Variants in DAB1 observed in about 807,000 individuals in gnomAD.
DAB1 encodes the protein disabled homolog 1.
In DAB1, 15 loss-of-function variants were observed where a neutral mutation model predicts 64.6. That is an observed-to-expected ratio of 0.23 (90% CI 0.16 to 0.36). The LOEUF (loss-of-function observed/expected upper bound fraction) is 0.36. DAB1 is among the 10% of genes least tolerant of loss of function. The pLI, the probability that DAB1 is intolerant of heterozygous loss-of-function variation, is 1.00. For missense variants in DAB1, 596 were observed against 706.7 expected, an observed-to-expected ratio of 0.84 and a Z score of 1.78; for synonymous variants, 235 against 251.9, an observed-to-expected ratio of 0.93 and a Z score of 0.64.
At chr1:58,127,361 CCTTT>C (rs1185335762) in intron 5 of DAB1, among the ~76,000 whole-genome samples, 19 of 151,866 alleles carry the variant, frequency 1.3e-4, no homozygotes, top group African/African-American at 4.6e-4. Flanking sequence ...GGATATTAGC[CCTTT>C]GTCAGATGAG....
At chr1:57,107,263 T>A (rs1036021707) in intron 4 of DAB1, among the ~76,000 whole-genome samples, 2 of 151,426 alleles carry the variant, frequency 1.3e-5, no homozygotes, top group African/African-American at 4.9e-5. Context: ...TAATCCCAGC[T>A]ACTTGGGAGG....
At chr1:58,077,212 T>C (rs1485789141) in intron 5 of DAB1, among the ~76,000 whole-genome samples, 2 of 152,140 alleles carry the variant, frequency 1.3e-5, no homozygotes, top group African/African-American at 2.4e-5. Flanking sequence ...TACACTCATA[T>C]GCTAATCCAA....
intron 3 of DAB1, among the ~76,000 whole-genome samples, chr1:58,385,773 A>T (rs992457029): frequency 1.1e-4 from 16 of 152,222 alleles, no homozygotes; most frequent in African/African-American, 3.6e-4. Flanking sequence ...TCTGCTTCTC[A>T]GTCCTGAACC....
At chr1:57,716,558 T>C (rs1647086599) in intron 6 of DAB1, among the ~76,000 whole-genome samples, 1 of 152,120 alleles carries the variant, frequency 6.6e-6, no homozygotes, top group African/African-American at 2.4e-5. Flanking sequence ...AAACCTTATC[T>C]CTCACCATAC....
chr1:58,127,143 T>C (rs1355959235), intron 5 of DAB1, among the ~76,000 whole-genome samples: 4 of 151,736 alleles, frequency 2.6e-5, no homozygotes, highest in Non-Finnish European at 4.4e-5. Context: ...TTTTTAATGA[T>C]TGCCATTCTA....
chr1:58,136,757 C>G (rs1255567655), intron 5 of DAB1, among the ~76,000 whole-genome samples: 1 of 152,156 alleles, frequency 6.6e-6, no homozygotes, highest in African/African-American at 2.4e-5. Flanking sequence ...CTATCATTTC[C>G]TTCCTGACAT....
At chr1:57,569,883 C>A (rs1645173230) in intron 7 of DAB1, among the ~76,000 whole-genome samples, 1 of 152,070 alleles carries the variant, frequency 6.6e-6, no homozygotes, top group Non-Finnish European at 1.5e-5. Context: ...TGGTGCATTT[C>A]CCGTTGTACG....
chr1:57,494,230 G>C (rs912962676), intron 7 of DAB1, among the ~76,000 whole-genome samples: 2 of 151,464 alleles, frequency 1.3e-5, no homozygotes, highest in African/African-American at 4.8e-5. Flanking sequence ...AAACCTAGAG[G>C]CAAGAAGTGT....
chr1:57,818,042 A>C (rs1392448840), intron 6 of DAB1, among the ~76,000 whole-genome samples: 1 of 152,176 alleles, frequency 6.6e-6, no homozygotes, highest in Non-Finnish European at 1.5e-5. Flanking sequence ...ACTCCCTGGA[A>C]TAATACTTGA....
At chr1:58,312,812 T>A (rs1415870794) in intron 4 of DAB1, among the ~76,000 whole-genome samples, 1 of 152,184 alleles carries the variant, frequency 6.6e-6, no homozygotes, top group Non-Finnish European at 1.5e-5. Context: ...GCAAGTTACT[T>A]GACCTACCTG....
intron 2 of DAB1, among the ~76,000 whole-genome samples, chr1:58,509,088 C>T (rs1016683332): frequency 1.3e-5 from 2 of 151,944 alleles, no homozygotes; most frequent in Non-Finnish European, 2.9e-5. Flanking sequence ...TTCTCCTGTA[C>T]AAAGACAGTC....
intron 2 of DAB1, among the ~76,000 whole-genome samples, chr1:57,269,968 A>T (rs901010170): frequency 1.3e-5 from 2 of 152,226 alleles, no homozygotes; most frequent in African/African-American, 4.8e-5. Context: ...TCTACTGAAA[A>T]GAACAGCTTG....
chr1:57,412,466 A>C (rs1437983905), intron 1 of DAB1, among the ~76,000 whole-genome samples: 1 of 152,066 alleles, frequency 6.6e-6, no homozygotes, highest in Non-Finnish European at 1.5e-5. Context: ...ATCTCAACCC[A>C]CTCTGTGCAG....
chr1:57,274,350 A>G (rs907179574), intron 2 of DAB1, among the ~76,000 whole-genome samples: 4 of 152,148 alleles, frequency 2.6e-5, no homozygotes, highest in Non-Finnish European at 5.9e-5. Flanking sequence ...ATGCTTCACC[A>G]CTTGTTCAGC....
chr1:57,721,249 T>C (rs1647146992), intron 6 of DAB1, among the ~76,000 whole-genome samples: 1 of 152,048 alleles, frequency 6.6e-6, no homozygotes, highest in South Asian at 2.1e-4. Context: ...CCGCTGGAGA[T>C]CACACCCTAC....
chr1:57,014,147 G>T (rs6688025), intron 12 of DAB1, among the ~76,000 whole-genome samples: 1 of 152,090 alleles, frequency 6.6e-6, no homozygotes, highest in East Asian at 1.9e-4. Context: ...ATAACCCATC[G>T]CTTACACAGA....
intron 4 of DAB1, among the ~76,000 whole-genome samples, chr1:58,152,153 A>C (rs1164676750): frequency 6.6e-6 from 1 of 152,296 alleles, no homozygotes; most frequent in Non-Finnish European, 1.5e-5. Flanking sequence ...CATGTTACTC[A>C]GTGATGTCCT....
At chr1:58,489,517 C>T (rs1032695360) in intron 3 of DAB1, among the ~76,000 whole-genome samples, 1 of 152,168 alleles carries the variant, frequency 6.6e-6, no homozygotes, top group African/African-American at 2.4e-5. Context: ...CCTCTGGGGG[C>T]AGGGCATAGC....
intron 6 of DAB1, among the ~76,000 whole-genome samples, chr1:57,790,932 G>T (rs1348299349): frequency 6.6e-6 from 1 of 151,948 alleles, no homozygotes; most frequent in Non-Finnish European, 1.5e-5. Context: ...TTTTAAACAT[G>T]GTAGATAGCT....
Sources: gnomAD v4.1 joint callset for allele counts (sites outside exome capture counted in the v4.1 genomes callset) on GRCh38, gnomAD v4.1.1 for gene constraint, MANE v1.5 for transcripts, NCBI Gene and HGNC (gene_info 2026-07-23, HGNC 2026-07-21) for gene names.